Variants in ZMYM2 observed in about 807,000 individuals in gnomAD.
ZMYM2 encodes the protein zinc finger MYM-type containing 2, also known as zinc finger MYM-type protein 2.
In ZMYM2, 56 loss-of-function variants were observed where a neutral mutation model predicts 162.8. That is an observed-to-expected ratio of 0.34 (90% CI 0.28 to 0.43). The LOEUF is 0.43. Among genes scored for constraint, ZMYM2 ranks in the 20% least tolerant of loss-of-function variants. The pLI, the probability that ZMYM2 is intolerant of heterozygous loss-of-function variation, is 1.00. For missense variants in ZMYM2, 1,275 were observed against 1,621.8 expected, an observed-to-expected ratio of 0.79 and a Z score of 3.67; for synonymous variants, 510 against 541.6, an observed-to-expected ratio of 0.94 and a Z score of 0.81.
intron 2 of ZMYM2, among the ~76,000 whole-genome samples, chr13:19,991,955 T>C (rs1357365574): frequency 1.3e-5 from 2 of 152,160 alleles, no homozygotes; most frequent in Non-Finnish European, 2.9e-5. Flanking sequence ...AGGGTACTTG[T>C]GAGTACATTT....
chr13:20,082,259 CATCTGCCTTTCATCTCTTGTTGA>C, intron 22 of ZMYM2, 129 bp downstream of exon 22: 1 of 696,296 alleles, frequency 1.4e-6, no homozygotes, highest in Non-Finnish European at 2.4e-6. Context: ...TACTCGAGCT[CATCTGCCTTTCATCTCTTGTTGA>C]ATTAGAAACA....
intron 14 of ZMYM2, 49 bp downstream of exon 14, chr13:20,052,360 G>A: frequency 6.6e-7 from 1 of 1,509,384 alleles, no homozygotes; most frequent in Non-Finnish European, 8.9e-7. Flanking sequence ...TGTAATATGG[G>A]GTAAAAAATA....
At chr13:19,991,548 G>A (rs915196356) in intron 2 of ZMYM2, among the ~76,000 whole-genome samples, 3 of 151,988 alleles carry the variant, frequency 2.0e-5, no homozygotes, top group African/African-American at 7.3e-5. Context: ...TTAGAGACCT[G>A]GGTATTCAAC....
the ZMYM2 span, among the ~76,000 whole-genome samples, chr13:19,942,098 C>T: frequency 4.6e-5 from 7 of 151,970 alleles, no homozygotes; most frequent in African/African-American, 1.4e-4. Context: ...TTCTACTTTT[C>T]ATAATTACCA....
the ZMYM2 span, among the ~76,000 whole-genome samples, chr13:19,933,588 G>A: frequency 6.6e-6 from 1 of 152,094 alleles, no homozygotes; most frequent in Admixed American, 6.6e-5. Flanking sequence ...GTATTTTGGG[G>A]ATCAACACCT....
intron 16 of ZMYM2, among the ~76,000 whole-genome samples, chr13:20,060,353 T>C (rs1197770438): frequency 6.6e-6 from 1 of 152,160 alleles, no homozygotes; most frequent in Non-Finnish European, 1.5e-5. Context: ...GCTCTGTGCA[T>C]ATTAAGTTTA....
At chr13:19,971,262 A>ATATATT (rs1329532735) in intron 2 of ZMYM2, among the ~76,000 whole-genome samples, 4 of 78,328 alleles carry the variant, frequency 5.1e-5, no homozygotes, top group East Asian at 1.3e-3. Flanking sequence ...ATATATATAT[A>ATATATT]TTTTTTTTTT....
the ZMYM2 span, among the ~76,000 whole-genome samples, chr13:19,873,387 T>TATTA: frequency 3.1e-5 from 4 of 130,112 alleles, no homozygotes; most frequent in Admixed American, 1.7e-4. Flanking sequence ...CAATTTTATT[T>TATTA]ATTTATTTAT....
At chr13:19,989,039 C>T (rs547830137) in intron 2 of ZMYM2, among the ~76,000 whole-genome samples, 2 of 152,226 alleles carry the variant, frequency 1.3e-5, no homozygotes, top group Non-Finnish European at 2.9e-5. Flanking sequence ...CCCTCCCCTG[C>T]GTAAACTTCT....
the ZMYM2 span, among the ~76,000 whole-genome samples, chr13:19,923,121 C>A: frequency 6.6e-6 from 1 of 150,386 alleles, no homozygotes; most frequent in South Asian, 2.1e-4. Flanking sequence ...GGGGGGATCG[C>A]CTGAGGTCAG....
the ZMYM2 span, among the ~76,000 whole-genome samples, chr13:19,893,139 TG>T: frequency 6.6e-6 from 1 of 151,712 alleles, no homozygotes; most frequent in South Asian, 2.1e-4. Context: ...CACTTAAAAA[TG>T]GTTAAAATAG....
chr13:20,083,354 G>A (rs575757221), intron 23 of ZMYM2, among the ~76,000 whole-genome samples: 4 of 152,306 alleles, frequency 2.6e-5, no homozygotes, highest in Non-Finnish European at 4.4e-5. Flanking sequence ...GAGCCACCAC[G>A]CATGGCCCAG....
chr13:19,902,948 G>A, the ZMYM2 span, among the ~76,000 whole-genome samples: 57 of 151,984 alleles, frequency 3.8e-4, no homozygotes, highest in Admixed American at 3.7e-3. Flanking sequence ...CTTGAGGTCA[G>A]GAGTTTGAGA....
At chr13:19,878,073 G>A in the ZMYM2 span, among the ~76,000 whole-genome samples, 1 of 136,740 alleles carries the variant, frequency 7.3e-6, no homozygotes, top group East Asian at 2.2e-4. Context: ...TTTTTTTTGA[G>A]ATGGAGTCTT....
the ZMYM2 span, among the ~76,000 whole-genome samples, chr13:19,866,633 C>G: frequency 6.6e-6 from 1 of 152,206 alleles, no homozygotes; most frequent in Non-Finnish European, 1.5e-5. Context: ...CATTGCACCC[C>G]AGACTGGGCA....
At chr13:19,876,370 C>T in the ZMYM2 span, among the ~76,000 whole-genome samples, 5 of 150,566 alleles carry the variant, frequency 3.3e-5, no homozygotes, top group East Asian at 4.0e-4. Flanking sequence ...TCACCCAGGC[C>T]GGAATGCAGT....
At chr13:20,009,002 C>T (rs1950965261) in intron 6 of ZMYM2, among the ~76,000 whole-genome samples, 1 of 151,792 alleles carries the variant, frequency 6.6e-6, no homozygotes, top group African/African-American at 2.4e-5. Flanking sequence ...CTTCAAAAAC[C>T]AGGGAAAAAA....
intron 12 of ZMYM2, among the ~76,000 whole-genome samples, chr13:20,038,573 ATAGT>A (rs1285408222): frequency 1.3e-5 from 2 of 152,082 alleles, no homozygotes; most frequent in South Asian, 4.1e-4. Context: ...TGAAGATCAG[ATAGT>A]TGTAGGTGTG....
intron 2 of ZMYM2, among the ~76,000 whole-genome samples, chr13:19,968,224 C>A (rs908628074): frequency 4.6e-5 from 7 of 152,104 alleles, no homozygotes; most frequent in Non-Finnish European, 1.0e-4. Flanking sequence ...TTATGACCAC[C>A]TCCTTCACTT....
Sources: gnomAD v4.1 joint callset for allele counts (sites outside exome capture counted in the v4.1 genomes callset) on GRCh38, gnomAD v4.1.1 for gene constraint, MANE v1.5 for transcripts, NCBI Gene and HGNC (gene_info 2026-07-23, HGNC 2026-07-21) for gene names.